The following TNNC2 variants were observed in gnomAD, a reference collection of about 807,000 sequenced individuals.
The protein encoded by TNNC2 is troponin C2, fast skeletal type.
A neutral mutation model predicts 20.0 loss-of-function variants in TNNC2; 14 were observed. The observed-to-expected ratio is 0.70, with a 90% CI of 0.46 to 1.09. The LOEUF is 1.09. Among genes scored for constraint, TNNC2 ranks in the 50% least tolerant of loss-of-function variants. TNNC2 has a pLI of 0.00. For missense variants in TNNC2, 163 were observed against 223.8 expected (o/e 0.73, Z 1.73); for synonymous variants, 81 against 77.3 (o/e 1.05, Z -0.25).
intron 1 of TNNC2, among the ~76,000 whole-genome samples, chr20:45,826,077 G>A (rs1215662216): frequency 6.7e-6 from 1 of 148,968 alleles, no homozygotes; most frequent in Non-Finnish European, 1.5e-5. Context: ...AGCTTTTCAG[G>A]GATGAGATAT....
At chr20:45,830,411 T>C (rs531629362), upstream of TNNC2, among the ~76,000 whole-genome samples, 114 of 152,178 alleles carry the variant, frequency 7.5e-4, 2 homozygotes, top group African/African-American at 2.5e-3. Context: ...CACATGCTGT[T>C]TTTTTCTGCC....
At chr20:45,831,346 G>A (rs1021418433), upstream of TNNC2, among the ~76,000 whole-genome samples, 4 of 152,182 alleles carry the variant, frequency 2.6e-5, no homozygotes, top group African/African-American at 9.7e-5. Flanking sequence ...GGAGGCTGAG[G>A]CAGGTGGATC....
At chr20:45,831,247 C>G (rs1039031694), upstream of TNNC2, among the ~76,000 whole-genome samples, 8 of 152,128 alleles carry the variant, frequency 5.3e-5, no homozygotes, top group African/African-American at 1.9e-4. Flanking sequence ...GATCGCACCC[C>G]TGCACTCCAG....
intron 1 of TNNC2, among the ~76,000 whole-genome samples, chr20:45,826,441 TTCCACGTCATA>T (rs1982970849): frequency 6.6e-6 from 1 of 152,206 alleles, no homozygotes; most frequent in South Asian, 2.1e-4. Context: ...CTGCAGGGGT[TTCCACGTCATA>T]TCCAAGCCAG....
intron 3 of TNNC2, 44 bp from the exon 4 acceptor site, chr20:45,824,450 C>T: frequency 1.2e-6 from 2 of 1,611,674 alleles, no homozygotes; most frequent in South Asian, 1.1e-5. Flanking sequence ...CCAGCCGCTG[C>T]CGCCTCTCCC....
chr20:45,831,818 A>G (rs1983115849), upstream of TNNC2, among the ~76,000 whole-genome samples: 1 of 152,194 alleles, frequency 6.6e-6, no homozygotes. Context: ...CAGATTTCTG[A>G]GGGGCCCTCC....
At chr20:45,825,037 G>A (rs1374367133) in intron 1 of TNNC2, among the ~76,000 whole-genome samples, 1 of 152,208 alleles carries the variant, frequency 6.6e-6, no homozygotes, top group Non-Finnish European at 1.5e-5. Flanking sequence ...ATGCTGGAGT[G>A]CAGTAGTGTG....
intron 1 of TNNC2, among the ~76,000 whole-genome samples, 182 bp from the exon 2 acceptor site, chr20:45,825,016 T>C (rs370237): frequency 0.67 from 101,864 of 152,038 alleles, 34,229 homozygotes; most frequent in Admixed American, 0.74. Flanking sequence ...TTTTGTCTCG[T>C]TCTGTCACAC....
At chr20:45,827,810 G>A (rs1455293050), upstream of TNNC2, among the ~76,000 whole-genome samples, 3 of 152,130 alleles carry the variant, frequency 2.0e-5, no homozygotes, top group Non-Finnish European at 2.9e-5. Flanking sequence ...ATGGGAACCC[G>A]GGTATAAGTC....
At chr20:45,824,704 C>CG (rs1162398738) in intron 2 of TNNC2, 66 bp from the exon 3 acceptor site, 23 of 1,578,622 alleles carry the variant, frequency 1.5e-5, no homozygotes, top group Admixed American at 3.5e-5. Context: ...CTACCCCCCC[C>CG]CAACCCCCAC....
At position 45,824,417 on chromosome 20, in the gene TNNC2, C is replaced by T. The variant is rs759703699; in HGVS notation, c.200-11G>A. The T allele has an allele frequency of 6.2e-7, 1 of 1,610,820 alleles. No homozygotes were observed. On this transcript the variant is annotated splice_polypyrimidine_tract_variant and intron_variant, in intron 3 of 5. Coordinates refer to ENST00000372555, the MANE Select transcript of TNNC2 (RefSeq NM_003279.3). Reference sequence around the variant, plus strand: ...CGATGGTGCCGCTGCCTGCGGGCAGCAGGTGGCAGACTGAGCCTGAGCCCA... The same window carrying T: ...CGATGGTGCCGCTGCCTGCGGGCAGTAGGTGGCAGACTGAGCCTGAGCCCA...
Position 45,823,933 on chromosome 20 carries a change from G to A in TNNC2, c.451+58C>T. On this transcript the variant is annotated intron_variant, in intron 5 of 5. Coordinates refer to ENST00000372555, the MANE Select transcript of TNNC2 (RefSeq NM_003279.3). This position sits in a 1 kb window ranked among gnomAD's most constrained non-coding sequence, Gnocchi z 4.6. ...GACACTGCACCGGAGCCAGGCACCA[G>A]TGCCCGCCGTCCTCTGGGGCTCCCA... is the stretch of plus-strand genomic sequence containing the variant. 6.2e-7 allele frequency: 1 copy of A among 1,608,684 alleles called. No homozygotes were observed. Among genetic ancestry groups the A allele is most frequent in the East Asian group, 2.2e-5 (1 of 44,804 alleles).
At chr20:45,826,008 C>T (rs565462341) in intron 1 of TNNC2, among the ~76,000 whole-genome samples, 5 of 148,144 alleles carry the variant, frequency 3.4e-5, no homozygotes, top group Non-Finnish European at 7.4e-5. Context: ...GTCGGGAACC[C>T]CCCCCACCCC....
At chr20:45,824,984 A>G (rs913044145) in intron 1 of TNNC2, 150 bp from the exon 2 acceptor site, 2 of 847,260 alleles carry the variant, frequency 2.4e-6, no homozygotes, top group Non-Finnish European at 3.9e-6. Context: ...GTGTGCCCGC[A>G]CAGCACCCAA....
chr20:45,824,111 T>G lies in TNNC2; in HGVS notation c.331A>C (p.Ile111Leu), dbSNP rs770676074. The change falls in exon 5 of 6, where the codon ATC becomes CTC. Residue 111 changes from isoleucine to leucine, a missense_variant. Transcript: ENST00000372555. The stretch of plus-strand genomic sequence containing the variant: ...ATCTCAGCCAGCTCCTCCGGGTCGA[T>G]GTAGCCGTCTGCATTCCTTCAGGTC... ...RIFDRNADGYIDPEELAEIFR... is the reference protein window; with the variant it reads ...RIFDRNADGYLDPEELAEIFR... 59 of 1,613,844 alleles carry G rather than the reference T, an allele frequency of 3.7e-5. No individual in the cohort carries two copies. In the South Asian group the frequency reaches 5.9e-4, roughly 16 times the overall value.
At chr20:45,827,376 C>A, upstream of TNNC2, 1 of 1,262,620 alleles carries the variant, frequency 7.9e-7, no homozygotes, top group Admixed American at 1.9e-5. Context: ...TCCCTGCTCC[C>A]CAGCACTGGA....
At chr20:45,832,395 C>T (rs1279253154) in intron 2 of TNNC2, among the ~76,000 whole-genome samples, 1 of 152,182 alleles carries the variant, frequency 6.6e-6, no homozygotes, top group Admixed American at 6.5e-5. Flanking sequence ...AGATGTGGAT[C>T]TTGGGGAAGT....
chr20:45,829,826 C>T (rs1373180634), upstream of TNNC2, among the ~76,000 whole-genome samples: 3 of 150,516 alleles, frequency 2.0e-5, no homozygotes, highest in Non-Finnish European at 4.4e-5. Context: ...AGGCTGGTCT[C>T]AAACTCCTGA....
At chr20:45,829,312 G>A (rs1459518957), upstream of TNNC2, among the ~76,000 whole-genome samples, 3 of 151,916 alleles carry the variant, frequency 2.0e-5, no homozygotes, top group African/African-American at 7.3e-5. Flanking sequence ...TTACAGGCAT[G>A]AGCCACCATG....
Sources: gnomAD v4.1 joint callset for allele counts (sites outside exome capture counted in the v4.1 genomes callset) on GRCh38, gnomAD v4.1.1 for gene constraint, Gnocchi (gnomAD v3.1) non-coding constraint, MANE v1.5 for transcripts, NCBI Gene and HGNC (gene_info 2026-07-23, HGNC 2026-07-21) for gene names.